The following ITPR2 variants were observed in gnomAD, a reference collection of about 807,000 sequenced individuals.
The protein encoded by ITPR2 is inositol 1,4,5-trisphosphate-gated calcium channel ITPR2.
A neutral mutation model predicts 317.1 loss-of-function variants in ITPR2; 207 were observed. The observed-to-expected ratio is 0.65, with a 90% CI of 0.58 to 0.73. The LOEUF (loss-of-function observed/expected upper bound fraction) is 0.73, where lower values mean the gene tolerates loss of function less well. Ranked by LOEUF, ITPR2 falls within the 30% of genes least tolerant of loss-of-function variation. The pLI is 0.00. For synonymous variants in ITPR2, 1,156 were observed against 1,149.1 expected (o/e 1.01, Z -0.12); for missense variants, 2,613 against 3,284.0 (o/e 0.80, Z 4.99).
chr12:26,391,150 T>C (rs943025354), intron 54 of ITPR2, among the ~76,000 whole-genome samples: 1 of 152,198 alleles, frequency 6.6e-6, no homozygotes, highest in Non-Finnish European at 1.5e-5. Flanking sequence ...TTATTGAGCA[T>C]CTATTGATGC....
rs1257340777 is a variant in ITPR2 at position 26,338,042 on chromosome 12, T to C, written c.*1355A>G. ...CGTTGATAACTGAGAATTTAAAGAC[T>C]CTGGAGGCAGTGTTTTGTTCCTGTG... is the stretch of plus-strand genomic sequence containing the variant. On this transcript the variant is annotated 3_prime_UTR_variant, in exon 57 of 57. Transcript: ENST00000381340. 2.0e-5 allele frequency: 3 copies of C among 152,234 alleles called. No homozygotes were observed. Among genetic ancestry groups the C allele is most frequent in the African/African-American group, 7.2e-5 (3 of 41,452 alleles). 9.4% of individuals were successfully genotyped at this position (152,234 alleles called of 1,614,324 possible).
intron 9 of ITPR2, among the ~76,000 whole-genome samples, chr12:26,710,820 G>A (rs6487570): frequency 0.19 from 28,724 of 152,056 alleles, 3,713 homozygotes; most frequent in African/African-American, 0.36. Flanking sequence ...TATATGACAC[G>A]GGCAATGAAC....
chr12:26,555,054 A>T (rs1242764529), intron 36 of ITPR2, among the ~76,000 whole-genome samples: 1 of 151,946 alleles, frequency 6.6e-6, no homozygotes. Context: ...GGACAAATAC[A>T]CTCTTCCCAA....
At chr12:26,776,884 C>T (rs1949982332) in intron 2 of ITPR2, among the ~76,000 whole-genome samples, 1 of 152,114 alleles carries the variant, frequency 6.6e-6, no homozygotes, top group Admixed American at 6.5e-5. Context: ...CCTAGCAGGC[C>T]CCAGAGGTGA....
At chr12:26,714,285 CCTAACA>C (rs1948700537) in intron 8 of ITPR2, among the ~76,000 whole-genome samples, 1 of 152,142 alleles carries the variant, frequency 6.6e-6, no homozygotes, top group African/African-American at 2.4e-5. Context: ...TATTACGTCT[CCTAACA>C]CTGGTTATCA....
At chr12:26,699,092 G>A (rs1484218696) in intron 9 of ITPR2, among the ~76,000 whole-genome samples, 1 of 151,446 alleles carries the variant, frequency 6.6e-6, no homozygotes, top group Non-Finnish European at 1.5e-5. Context: ...GTACCTTATG[G>A]CCCAAGTTTT....
chr12:26,647,630 G>T (rs975131880), intron 21 of ITPR2, among the ~76,000 whole-genome samples: 2 of 152,234 alleles, frequency 1.3e-5, no homozygotes, highest in African/African-American at 4.8e-5. Flanking sequence ...CTACTCAAAA[G>T]ATCAATTACA....
chr12:26,473,969 A>G (rs939795420), intron 45 of ITPR2, among the ~76,000 whole-genome samples: 5 of 152,236 alleles, frequency 3.3e-5, no homozygotes, highest in Middle Eastern at 3.2e-3. Context: ...TTGATACATT[A>G]TGAGAGACCT....
intron 37 of ITPR2, among the ~76,000 whole-genome samples, chr12:26,517,432 C>T (rs1409613047): frequency 1.3e-5 from 2 of 152,132 alleles, no homozygotes; most frequent in Non-Finnish European, 2.9e-5. Context: ...ATGTGGCCAA[C>T]AAGCATATGA....
intron 37 of ITPR2, among the ~76,000 whole-genome samples, chr12:26,546,102 G>T (rs1250829945): frequency 2.0e-5 from 3 of 152,148 alleles, no homozygotes; most frequent in Non-Finnish European, 4.4e-5. Context: ...AATAAGATAT[G>T]TATGCTTTTT....
intron 20 of ITPR2, among the ~76,000 whole-genome samples, chr12:26,654,893 A>G (rs1272680892): frequency 3.3e-5 from 5 of 152,244 alleles, no homozygotes; most frequent in Non-Finnish European, 2.9e-5. Context: ...ATCCCAGTCA[A>G]CAGCTTGCTG....
At position 26,602,450 on chromosome 12, in the gene ITPR2, G is replaced by A. The variant is rs756435711; in HGVS notation, c.3598C>T (p.Arg1200Trp). The A allele has an allele frequency of 2.7e-5, 44 of 1,613,436 alleles. No homozygotes were observed. In the East Asian group the frequency reaches 3.8e-4, roughly 14 times the overall value. Residue 1200 changes from arginine (R) to tryptophan (W), a missense_variant, in exon 28 of 57, where the codon CGG becomes TGG. By Grantham distance (101) the Arg-to-Trp change is moderately radical. This residue lies in a region of ITPR2 where 817 missense variants were observed against 897.6 expected (regional missense o/e 0.91). Coordinates refer to ENST00000381340, the MANE Select transcript of ITPR2 (RefSeq NM_002223.4). ...SKLCVQNKKC[R>W]NQHQRLLKNM... ...TTCAGTAATCGTTGATGTTGATTCC[G>A]ACACTTTTTATTCTGCACACAGAGT...
chr12:26,522,273 T>C (rs1201112844), intron 37 of ITPR2, among the ~76,000 whole-genome samples: 1 of 152,184 alleles, frequency 6.6e-6, no homozygotes, highest in Non-Finnish European at 1.5e-5. Flanking sequence ...ACATCAGAAG[T>C]ACAGCATAGA....
intron 55 of ITPR2, among the ~76,000 whole-genome samples, chr12:26,355,308 T>C (rs774184451): frequency 6.6e-5 from 10 of 152,372 alleles, no homozygotes; most frequent in Non-Finnish European, 1.5e-4. Flanking sequence ...GTGCTACTAA[T>C]AATTATGTAG....
chr12:26,622,488 A>G, intron 24 of ITPR2, 83 bp from the exon 25 acceptor site: 1 of 1,084,760 alleles, frequency 9.2e-7, no homozygotes. Flanking sequence ...ACGTATTCTC[A>G]GAGGTATATC....
intron 56 of ITPR2, 89 bp downstream of exon 56, chr12:26,340,078 G>T: frequency 7.8e-7 from 1 of 1,283,672 alleles, no homozygotes; most frequent in Non-Finnish European, 1.1e-6. Context: ...TGTGGATAAT[G>T]ACCTGGCTCC....
At chr12:26,362,857 G>A (rs118030670) in intron 55 of ITPR2, among the ~76,000 whole-genome samples, 1 of 152,298 alleles carries the variant, frequency 6.6e-6, no homozygotes, top group Non-Finnish European at 1.5e-5. Context: ...GGGAATAAAA[G>A]ATGGGGAACC....
chr12:26,601,017 AT>A (rs1945987880), intron 28 of ITPR2, among the ~76,000 whole-genome samples: 1 of 151,626 alleles, frequency 6.6e-6, no homozygotes, highest in Non-Finnish European at 1.5e-5. Context: ...ATTCATTGCC[AT>A]TTTCCAAAGT....
intron 5 of ITPR2, among the ~76,000 whole-genome samples, chr12:26,720,347 A>C (rs892803035): frequency 1.3e-5 from 2 of 152,360 alleles, no homozygotes; most frequent in South Asian, 4.1e-4. Flanking sequence ...TCATTTTAAA[A>C]GTCCTCTAAA....
Sources: allele counts gnomAD v4.1 joint callset (sites outside exome capture counted in the v4.1 genomes callset), GRCh38; gene constraint gnomAD v4.1.1; regional missense constraint gnomAD v4.1.1; transcripts MANE v1.5; gene names NCBI Gene and HGNC (gene_info 2026-07-23, HGNC 2026-07-21).